The following GCH1 variants were observed in gnomAD, a reference collection of about 807,000 sequenced individuals.
GCH1 encodes the protein GTP cyclohydrolase I.
A neutral mutation model predicts 25.9 loss-of-function variants in GCH1; 5 were observed. The ratio of observed to expected loss-of-function variants is 0.19; its 90% confidence interval spans 0.10 to 0.41. GCH1 has a LOEUF of 0.41. Ranked by LOEUF, GCH1 falls within the 10% of genes least tolerant of loss-of-function variation. The probability of loss-of-function intolerance (pLI) is 1.00; values close to 1 mark genes in which losing one functional copy is unlikely to be tolerated. For missense variants in GCH1, 261 were observed against 336.5 expected (o/e 0.78, Z 1.75); for synonymous variants, 159 against 129.6 (o/e 1.23, Z -1.54).
In GCH1 at chr14:54,843,821, G is replaced by T. The variant is rs771774880; in HGVS notation, c.*196C>A. 17 of 1,613,470 alleles carry T rather than the reference G, an allele frequency of 1.1e-5. No individual in the cohort carries two copies. The highest frequency in any genetic ancestry group is 3.3e-4 in the Middle Eastern group (2 of 6,082). ...ACTTTAATATTGCCACAAAAAGGTG[G>T]CAAGAAGAAAGTAGAGGGCTCAACC... On this transcript the variant is annotated 3_prime_UTR_variant, in exon 6 of 6. Coordinates refer to ENST00000491895, the MANE Select transcript of GCH1 (RefSeq NM_000161.3).
intron 1 of GCH1, among the ~76,000 whole-genome samples, chr14:54,870,498 TGGGTGCAGGACAGG>T (rs1566671633): frequency 6.6e-6 from 1 of 152,126 alleles, no homozygotes; most frequent in African/African-American, 2.4e-5. Context: ...TGTCGGACAG[TGGGTGCAGGACAGG>T]GGGTGCAGCG....
Position 54,875,824 on chromosome 14 carries a change from G to A in GCH1, c.344-10388C>T, listed in dbSNP as rs542309118. Among the ~76,000 whole-genome samples, 18 of 152,268 alleles carry A rather than the reference G, an allele frequency of 1.2e-4. No individual in the cohort carries two copies. In the South Asian group the frequency reaches 1.2e-3, roughly 11 times the overall value. ...ACCATCTTACACCAGTTAGAATGGCGATCATTAAAAAGTCAAGAAACAACA... is the reference window on the plus strand; with the variant it reads ...ACCATCTTACACCAGTTAGAATGGCAATCATTAAAAAGTCAAGAAACAACA... On this transcript the variant is annotated intron_variant, in intron 1 of 5. Transcript: ENST00000491895.
intron 1 of GCH1, among the ~76,000 whole-genome samples, chr14:54,874,889 T>C (rs2040135197): frequency 1.3e-5 from 2 of 152,056 alleles, no homozygotes; most frequent in African/African-American, 4.8e-5. Context: ...GTGGGAAGAA[T>C]CAATATCGCG....
At chr14:54,861,074 A>G (rs1438262453) in intron 2 of GCH1, among the ~76,000 whole-genome samples, 1 of 152,258 alleles carries the variant, frequency 6.6e-6, no homozygotes, top group African/African-American at 2.4e-5. Context: ...TAGGCAATTA[A>G]TTAACCGAAT....
intron 1 of GCH1, among the ~76,000 whole-genome samples, chr14:54,898,000 C>T (rs1469451959): frequency 6.6e-6 from 1 of 152,156 alleles, no homozygotes. Flanking sequence ...CACGGTAGAG[C>T]CTATTATTCC....
chr14:54,880,324 C>G (rs1273627253), intron 1 of GCH1, among the ~76,000 whole-genome samples: 1 of 144,630 alleles, frequency 6.9e-6, no homozygotes, highest in Non-Finnish European at 1.5e-5. Context: ...TTCATACAGT[C>G]TTGTATATGT....
chr14:54,878,087 C>T lies in GCH1; in HGVS notation c.344-12651G>A, dbSNP rs575498396. 5 of 154,788 alleles carry T rather than the reference C, an allele frequency of 3.2e-5. No homozygotes were observed. In the East Asian group the frequency reaches 9.6e-4, roughly 30 times the overall value. The allele number at this position is 154,788 out of a possible 1,614,324, so 9.6% of individuals were successfully genotyped here. ...AGGTAAATATTTAAGGACAAACAGA[C>T]CTGTTTCTGCTGTGGAGAAAGTGAG... On this transcript the variant is annotated intron_variant, in intron 1 of 5. Transcript: ENST00000491895.
At chr14:54,864,431 C>T (rs1816676626) in intron 2 of GCH1, among the ~76,000 whole-genome samples, 1 of 152,062 alleles carries the variant, frequency 6.6e-6, no homozygotes, top group African/African-American at 2.4e-5. Context: ...ACTCTTTGTT[C>T]TATACCACAT....
chr14:54,898,035 T>C (rs1566685114), intron 1 of GCH1, among the ~76,000 whole-genome samples: 1 of 152,188 alleles, frequency 6.6e-6, no homozygotes, highest in Non-Finnish European at 1.5e-5. Context: ...GTATGGCATG[T>C]TACTGTAATG....
At position 54,844,092 on chromosome 14, in the gene GCH1, C is replaced by A. The variant is rs760840113; in HGVS notation, c.678G>T (p.Val226=). ...GGAACACACCCAACATTGTGCTGGT[C>A]ACAGTTTTGCTGTTCATTTTCTGTA... ...RGVQKMNSKT[V]TSTMLGVFRE... Residue 226 remains valine, a synonymous_variant, in exon 6 of 6, where the codon GTG becomes GTT. Transcript: ENST00000491895. 6.2e-7 allele frequency: 1 copy of A among 1,614,072 alleles called. No individual in the cohort carries two copies. The highest frequency in any genetic ancestry group is 1.1e-5 in the South Asian group (1 of 91,078).
chr14:54,867,679 C>T (rs971848521), intron 1 of GCH1, among the ~76,000 whole-genome samples: 1 of 150,476 alleles, frequency 6.6e-6, no homozygotes, highest in Non-Finnish European at 1.5e-5. Context: ...TCAGTCTTCT[C>T]GGCTATAAAA....
intron 2 of GCH1, 39 bp from the exon 3 acceptor site, chr14:54,859,775 T>C: frequency 1.9e-6 from 2 of 1,066,994 alleles, no homozygotes; most frequent in African/African-American, 1.5e-5. Context: ...TGAGTGAAAA[T>C]ACAGTGCCTT....
intron 1 of GCH1, among the ~76,000 whole-genome samples, chr14:54,876,725 A>C (rs1364904009): frequency 1.3e-5 from 2 of 152,112 alleles, no homozygotes; most frequent in African/African-American, 2.4e-5. Flanking sequence ...CCTTTTGTGT[A>C]ATGAAAGTGG....
Position 54,902,406 on chromosome 14 carries a change from G to A in GCH1, c.258C>T (p.Pro86=), listed in dbSNP as rs754798316. The part of the protein sequence containing the change: ...SSILSSLGEN[P]QRQGLLKTPW... ...GCGTCTTGAGCAGCCCTTGCCGCTG[G>A]GGGTTCTCGCCCAGCGAGCTCAGGA... The change falls in exon 1 of 6, where the codon CCC becomes CCT. Residue 86 remains proline (P), a synonymous_variant. Coordinates refer to ENST00000491895, the MANE Select transcript of GCH1 (RefSeq NM_000161.3). The A allele has an allele frequency of 1.9e-6, 3 of 1,613,036 alleles. No homozygotes were observed. In the South Asian group the frequency reaches 3.3e-5, roughly 18 times the overall value.
intron 1 of GCH1, among the ~76,000 whole-genome samples, chr14:54,895,067 CGA>C (rs1228259727): frequency 1.3e-5 from 2 of 152,098 alleles, no homozygotes; most frequent in Admixed American, 6.6e-5. Flanking sequence ...TTAATAAATC[CGA>C]GAGGTTTGTG....
At chr14:54,870,427 C>T (rs1302289076) in intron 1 of GCH1, among the ~76,000 whole-genome samples, 6 of 151,066 alleles carry the variant, frequency 4.0e-5, no homozygotes, top group Admixed American at 6.6e-5. Context: ...GTGTGAGCAA[C>T]GCATAAGACG....
At chr14:54,863,230 T>A (rs532312746) in intron 2 of GCH1, among the ~76,000 whole-genome samples, 5 of 151,508 alleles carry the variant, frequency 3.3e-5, no homozygotes, top group African/African-American at 7.3e-5. Flanking sequence ...CCATCCTGGC[T>A]AACACCGTGA....
chr14:54,863,479 A>G (rs2039942644), intron 2 of GCH1, among the ~76,000 whole-genome samples: 1 of 141,158 alleles, frequency 7.1e-6, no homozygotes, highest in Non-Finnish European at 1.5e-5. Flanking sequence ...AAGTATTGAC[A>G]GCAGTATTGT....
chr14:54,859,021 G>A (rs1360425583), intron 3 of GCH1, among the ~76,000 whole-genome samples: 1 of 152,248 alleles, frequency 6.6e-6, no homozygotes, highest in East Asian at 1.9e-4. Flanking sequence ...AGAGCGAGGA[G>A]CGTGAACACT....
Sources: allele counts gnomAD v4.1 joint callset (sites outside exome capture counted in the v4.1 genomes callset), GRCh38; gene constraint gnomAD v4.1.1; transcripts MANE v1.5; gene names NCBI Gene and HGNC (gene_info 2026-07-23, HGNC 2026-07-21).